The following SEMA3A variants were observed in gnomAD, a reference collection of about 807,000 sequenced individuals.
SEMA3A encodes semaphorin-3A.
Under a neutral mutation model 97.9 loss-of-function variants are expected in SEMA3A, and 29 were observed. That is an observed-to-expected ratio of 0.30 (90% CI 0.22 to 0.40). The LOEUF (loss-of-function observed/expected upper bound fraction) is 0.40. Ranked by LOEUF, SEMA3A falls within the 10% of genes least tolerant of loss-of-function variation. The pLI is 1.00. For missense variants in SEMA3A, 763 were observed against 951.3 expected, an observed-to-expected ratio of 0.80 and a Z score of 2.60; for synonymous variants, 321 against 323.7, an observed-to-expected ratio of 0.99 and a Z score of 0.09.
intron 3 of SEMA3A, among the ~76,000 whole-genome samples, chr7:84,211,285 G>A (rs2116318806): frequency 6.6e-6 from 1 of 152,172 alleles, no homozygotes; most frequent in East Asian, 1.9e-4. Flanking sequence ...GTGAAAGGTT[G>A]CGTAAAGAGG....
intron 15 of SEMA3A, among the ~76,000 whole-genome samples, chr7:83,965,655 TATATATATATA>T (rs1413824768): frequency 5.2e-3 from 67 of 12,966 alleles, no homozygotes; most frequent in Non-Finnish European, 6.8e-3. Flanking sequence ...TATATATATA[TATATATATATA>T]TTTTTTTTTT....
At chr7:84,200,710 G>C (rs1467064258) in intron 3 of SEMA3A, among the ~76,000 whole-genome samples, 1 of 151,670 alleles carries the variant, frequency 6.6e-6, no homozygotes, top group Non-Finnish European at 1.5e-5. Context: ...CAGCTACTTT[G>C]TGAGATTATC....
intron 12 of SEMA3A, among the ~76,000 whole-genome samples, chr7:83,995,974 A>G (rs1790200094): frequency 6.6e-6 from 1 of 152,210 alleles, no homozygotes; most frequent in Non-Finnish European, 1.5e-5. Flanking sequence ...TTCATGGAAT[A>G]CTGCATAAAT....
At chr7:84,117,581 G>A (rs988539120) in intron 3 of SEMA3A, among the ~76,000 whole-genome samples, 7 of 152,146 alleles carry the variant, frequency 4.6e-5, no homozygotes, top group African/African-American at 1.4e-4. Context: ...TCGTAGGAGC[G>A]TGAACACTTT....
intron 4 of SEMA3A, among the ~76,000 whole-genome samples, chr7:84,061,565 TTTTTTGGCAA>T (rs1793216596): frequency 6.6e-6 from 1 of 152,194 alleles, no homozygotes; most frequent in African/African-American, 2.4e-5. Flanking sequence ...TAGCTTTTTA[TTTTTTGGCAA>T]TTTCTCTACT....
At chr7:84,027,693 G>C (rs956793018) in intron 6 of SEMA3A, among the ~76,000 whole-genome samples, 2 of 152,082 alleles carry the variant, frequency 1.3e-5, no homozygotes, top group African/African-American at 4.8e-5. Flanking sequence ...TGCCTTCATG[G>C]AGATGAGGTG....
At chr7:84,318,101 A>T (rs935840562) in intron 2 of SEMA3A, among the ~76,000 whole-genome samples, 2 of 152,050 alleles carry the variant, frequency 1.3e-5, no homozygotes, top group Non-Finnish European at 2.9e-5. Flanking sequence ...CTCTTTTTTA[A>T]CATTTAAAAT....
rs1403742355 is a variant in SEMA3A, at chr7:84,446,561, TAA to T, written c.-246+45897_-246+45898del. On this transcript the variant is annotated intron_variant, in intron 1 of 3. Transcript: ENST00000424555. The stretch of plus-strand genomic sequence containing the variant: ...AATACACGTAGACAGAGTAAAGGAA[TAA>T]AAAGTCATCTTAAGATGTACAAAAA... Among the ~76,000 whole-genome samples, 3 of 152,076 alleles carry T rather than the reference TAA, an allele frequency of 2.0e-5. No individual in the cohort carries two copies. In the South Asian group the frequency reaches 6.2e-4, roughly 32 times the overall value.
At chr7:84,003,580 G>A (rs1458132391) in intron 11 of SEMA3A, among the ~76,000 whole-genome samples, 2 of 152,096 alleles carry the variant, frequency 1.3e-5, no homozygotes, top group Non-Finnish European at 2.9e-5. Context: ...GACAGATTGT[G>A]TCCAAGAGGA....
At chr7:83,982,099 T>C (rs1348931568) in intron 13 of SEMA3A, among the ~76,000 whole-genome samples, 1 of 152,176 alleles carries the variant, frequency 6.6e-6, no homozygotes, top group Non-Finnish European at 1.5e-5. Context: ...AAGTACACTC[T>C]GGTGCAGTCT....
chr7:84,364,665 TGTCACTTTA>T (rs1802802771), intron 2 of SEMA3A, among the ~76,000 whole-genome samples: 1 of 151,772 alleles, frequency 6.6e-6, no homozygotes, highest in Non-Finnish European at 1.5e-5. Context: ...ATTACCATGC[TGTCACTTTA>T]TTTCAATTAA....
intron 3 of SEMA3A, among the ~76,000 whole-genome samples, chr7:84,200,979 A>G (rs908445667): frequency 6.6e-6 from 1 of 152,002 alleles, no homozygotes; most frequent in Non-Finnish European, 1.5e-5. Flanking sequence ...GTGTTTCAGG[A>G]TATTAACTTA....
intron 1 of SEMA3A, among the ~76,000 whole-genome samples, chr7:84,421,754 T>C (rs1562941273): frequency 6.6e-6 from 1 of 152,098 alleles, no homozygotes; most frequent in Non-Finnish European, 1.5e-5. Flanking sequence ...CGAAGGCCTT[T>C]TCTGCATCTA....
rs1001217329 is a variant in SEMA3A at position 83,959,527 on chromosome 7, G to A, written c.*1844C>T. ...TAAAATTGAATGTAGATTATTTTTAGGCTTTTGTTTGAAACAAGTGGCAAC... is the reference window on the plus strand; with the variant it reads ...TAAAATTGAATGTAGATTATTTTTAAGCTTTTGTTTGAAACAAGTGGCAAC... On this transcript the variant is annotated 3_prime_UTR_variant, in exon 17 of 17. Coordinates refer to ENST00000265362, the MANE Select transcript of SEMA3A (RefSeq NM_006080.3). The A allele has an allele frequency of 1.3e-5, 2 of 151,962 alleles. No individual in the cohort carries two copies. The highest frequency in any genetic ancestry group is 4.8e-5 in the African/African-American group (2 of 41,408). 9.4% of individuals were successfully genotyped at this position (151,962 alleles called of 1,614,324 possible).
At chr7:84,306,261 A>G (rs1340869833) in intron 3 of SEMA3A, 1 of 151,972 alleles carries the variant, frequency 6.6e-6, no homozygotes, top group Non-Finnish European at 1.5e-5. Flanking sequence ...TGAATAACCT[A>G]GGAAAAATGT....
chr7:84,207,100 A>G (rs1798512339), intron 3 of SEMA3A, among the ~76,000 whole-genome samples: 1 of 152,234 alleles, frequency 6.6e-6, no homozygotes, highest in Non-Finnish European at 1.5e-5. Flanking sequence ...CTGTCAGTAA[A>G]GTGCATATTT....
Position 84,242,985 on chromosome 7 carries a change from G to A in SEMA3A, c.-82-48317C>T, listed in dbSNP as rs565790774. Among the ~76,000 whole-genome samples the A allele has an allele frequency of 3.9e-5, 6 of 152,282 alleles. No individual in the cohort carries two copies. In the South Asian group the frequency reaches 1.2e-3, roughly 32 times the overall value. On this transcript the variant is annotated intron_variant, in intron 3 of 3. Coordinates refer to the SEMA3A transcript ENST00000424555. ...GATTTGTGTATGTTGAACCAGGCTTGCATCCCAGGGATGAAGCCGACTTGA... is the reference window on the plus strand; with the variant it reads ...GATTTGTGTATGTTGAACCAGGCTTACATCCCAGGGATGAAGCCGACTTGA...
rs1798164824 is a variant in SEMA3A, at chr7:84,194,727, C to CA, written c.-142dup. The CA allele has an allele frequency of 1.8e-6, 1 of 541,404 alleles. No individual in the cohort carries two copies. The highest frequency in any genetic ancestry group is 2.0e-5 in the African/African-American group (1 of 51,140). 33.5% of individuals were successfully genotyped at this position (541,404 alleles called of 1,614,324 possible). ...TCATAAATGCAGACAATCAAGACCTCATGGCAACACTAACACCTCTTCTTC... is the reference window on the plus strand; with the variant it reads ...TCATAAATGCAGACAATCAAGACCTCAATGGCAACACTAACACCTCTTCTTC... On this transcript the variant is annotated 5_prime_UTR_variant, in exon 1 of 17. The change abolishes an upstream ATG in the 5' untranslated region. Transcript: ENST00000265362.
rs543734578 is a variant in SEMA3A, at chr7:83,975,496, C to A, written c.1717+1636G>T. 1.1e-4 allele frequency among the ~76,000 whole-genome samples: 17 copies of A among 152,092 alleles called. No individual in the cohort carries two copies. The South Asian group carries it at 3.3e-3, about 30-fold the overall frequency. On this transcript the variant is annotated intron_variant, in intron 15 of 16. Coordinates refer to ENST00000265362, the MANE Select transcript of SEMA3A (RefSeq NM_006080.3). ...CAAAAATCAAAAAGTGCTATTAGTT[C>A]AAATCTCTACTGAAAAACAAAAGTA...
Sources: gnomAD v4.1 joint callset for allele counts (sites outside exome capture counted in the v4.1 genomes callset) on GRCh38, gnomAD v4.1.1 for gene constraint, MANE v1.5 for transcripts, NCBI Gene and HGNC (gene_info 2026-07-23, HGNC 2026-07-21) for gene names.